RGS7: variants seen among roughly 807,000 people sequenced by gnomAD.
RGS7 encodes the protein regulator of G protein signaling 7.
A neutral mutation model predicts 81.1 loss-of-function variants in RGS7; 27 were observed. The ratio of observed to expected loss-of-function variants is 0.33; its 90% CI spans 0.25 to 0.46. RGS7 has a LOEUF of 0.46. RGS7 is among the 20% of genes least tolerant of loss of function. RGS7 has a pLI of 1.00. For synonymous variants in RGS7, 208 were observed against 207.7 expected (o/e 1.00, Z -0.01); for missense variants, 396 against 607.4 (o/e 0.65, Z 3.66).
chr1:241,223,891 ATGTGCAGGTACATACTGAAATGGTGGTTC>A (rs2075157668), intron 2 of RGS7, among the ~76,000 whole-genome samples: 1 of 151,864 alleles, frequency 6.6e-6, no homozygotes, highest in Non-Finnish European at 1.5e-5. Flanking sequence ...ATTCATTGAA[ATGTGCAGGTACATACTGAAATGGTGGTTC>A]TGCACAAGAT....
At chr1:241,157,050 C>T (rs982031302) in intron 2 of RGS7, among the ~76,000 whole-genome samples, 7 of 151,908 alleles carry the variant, frequency 4.6e-5, no homozygotes, top group Non-Finnish European at 1.0e-4. Flanking sequence ...TTTAAAAATC[C>T]CTAGCAAGAG....
chr1:241,144,964 T>TG lies in RGS7; in HGVS notation c.79-46203_79-46202insC, dbSNP rs1479399427. On this transcript the variant is annotated intron_variant, in intron 2 of 18. Coordinates refer to ENST00000440928, the MANE Select transcript of RGS7 (RefSeq NM_001364886.1). The surrounding 1 kb of genome is among the most constrained non-coding windows in gnomAD (Gnocchi z 4.7). ...GTGTGTGTGTGTGTGTGTGTGTGTG[T>TG]TCGTGTTCATTCTTCCTGTTCCTGT... 2.1e-5 allele frequency among the ~76,000 whole-genome samples: 3 copies of TG among 144,402 alleles called. No individual in the cohort carries two copies. The highest frequency in any genetic ancestry group is 8.1e-5 in the African/African-American group (3 of 36,818). 94.7% of individuals were successfully genotyped at this position (144,402 alleles called of 152,430 possible).
At position 241,340,459 on chromosome 1, in the gene RGS7, G is replaced by C. The variant is rs566781120; in HGVS notation, c.78+15240C>G. Among the ~76,000 whole-genome samples the C allele has an allele frequency of 3.9e-5, 6 of 152,148 alleles. No individual in the cohort carries two copies. The East Asian group carries it at 1.2e-3, about 29-fold the overall frequency. On this transcript the variant is annotated intron_variant, in intron 2 of 18. Coordinates refer to ENST00000440928, the MANE Select transcript of RGS7 (RefSeq NM_001364886.1). The stretch of plus-strand genomic sequence containing the variant: ...AATAAAATAATTCTGAGAGCATCTG[G>C]GATATTCCTTAAAGAATTTATAAGA...
At chr1:241,042,177 T>G (rs780534961) in intron 3 of RGS7, among the ~76,000 whole-genome samples, 2 of 152,190 alleles carry the variant, frequency 1.3e-5, no homozygotes, top group African/African-American at 2.4e-5. Flanking sequence ...GCTGTACATA[T>G]GTATCATCTC....
chr1:241,295,259 G>T (rs559293679), intron 2 of RGS7, among the ~76,000 whole-genome samples: 13 of 151,286 alleles, frequency 8.6e-5, no homozygotes, highest in South Asian at 2.1e-4. Context: ...CCAGCCTGAC[G>T]AACATGATGA....
intron 15 of RGS7, among the ~76,000 whole-genome samples, chr1:240,805,768 C>T (rs937442952): frequency 1.3e-5 from 2 of 151,562 alleles, no homozygotes; most frequent in Non-Finnish European, 2.9e-5. Context: ...ATTGAAGATG[C>T]CTTAAAGATT....
chr1:241,224,683 A>C (rs1245542105), intron 2 of RGS7, among the ~76,000 whole-genome samples: 1 of 152,188 alleles, frequency 6.6e-6, no homozygotes, highest in Non-Finnish European at 1.5e-5. Flanking sequence ...CACGAAGTAC[A>C]TATAGTGGAT....
intron 3 of RGS7, among the ~76,000 whole-genome samples, chr1:241,026,614 G>A (rs2059801353): frequency 6.6e-6 from 1 of 151,950 alleles, no homozygotes; most frequent in Admixed American, 6.6e-5. Flanking sequence ...ATTGAGTGCT[G>A]TTTATCTGCC....
At chr1:241,300,365 A>T (rs1271492710) in intron 2 of RGS7, among the ~76,000 whole-genome samples, 1 of 152,208 alleles carries the variant, frequency 6.6e-6, no homozygotes, top group Non-Finnish European at 1.5e-5. Context: ...ATAATGACAT[A>T]TATCCACCAT....
intron 3 of RGS7, among the ~76,000 whole-genome samples, chr1:241,081,207 A>G (rs181857358): frequency 2.0e-4 from 31 of 152,262 alleles, no homozygotes; most frequent in African/African-American, 7.0e-4. Context: ...ATCTCTCTTG[A>G]TAACTTTCTG....
At chr1:241,351,854 G>C (rs948488657) in intron 2 of RGS7, among the ~76,000 whole-genome samples, 1 of 152,150 alleles carries the variant, frequency 6.6e-6, no homozygotes, top group African/African-American at 2.4e-5. Flanking sequence ...TTTCTTTTCT[G>C]ACAGCTTGAG....
intron 3 of RGS7, among the ~76,000 whole-genome samples, chr1:241,031,552 A>C (rs930714368): frequency 2.0e-5 from 3 of 152,188 alleles, no homozygotes; most frequent in Admixed American, 1.3e-4. Flanking sequence ...AAAAATCTCC[A>C]TACTGTTTTC....
At chr1:240,876,017 T>A (rs1558396071) in intron 6 of RGS7, among the ~76,000 whole-genome samples, 2 of 152,182 alleles carry the variant, frequency 1.3e-5, no homozygotes, top group Non-Finnish European at 2.9e-5. Context: ...GCCCCTCCAG[T>A]CTGCCATGTA....
At chr1:241,327,122 GAAA>G (rs1558321507) in intron 2 of RGS7, among the ~76,000 whole-genome samples, 14 of 110,250 alleles carry the variant, frequency 1.3e-4, no homozygotes, top group East Asian at 5.0e-4. Flanking sequence ...AAGAAAGAAA[GAAA>G]GAAAGAAAGA....
chr1:241,136,470 G>C (rs1050809400), intron 2 of RGS7, among the ~76,000 whole-genome samples: 4 of 152,156 alleles, frequency 2.6e-5, no homozygotes, highest in African/African-American at 9.7e-5. Flanking sequence ...TCATGGGGTA[G>C]AGGGGAGTGT....
intron 3 of RGS7, among the ~76,000 whole-genome samples, chr1:241,028,487 C>A (rs2059905068): frequency 6.6e-6 from 1 of 152,138 alleles, no homozygotes; most frequent in Admixed American, 6.5e-5. Flanking sequence ...CAGCCCCAGG[C>A]CACTGGGTTC....
intron 2 of RGS7, among the ~76,000 whole-genome samples, chr1:241,333,234 G>A (rs2082067862): frequency 6.6e-6 from 1 of 152,154 alleles, no homozygotes. Flanking sequence ...CTCAAGCCCT[G>A]CTAGACTACT....
At chr1:240,873,779 C>T (rs1664890208) in intron 6 of RGS7, among the ~76,000 whole-genome samples, 1 of 152,056 alleles carries the variant, frequency 6.6e-6, no homozygotes, top group Non-Finnish European at 1.5e-5. Context: ...TATCATTCAC[C>T]AAGACTAGAA....
chr1:240,866,315 T>C (rs1297064130), intron 9 of RGS7, among the ~76,000 whole-genome samples: 1 of 151,700 alleles, frequency 6.6e-6, no homozygotes, highest in Non-Finnish European at 1.5e-5. Context: ...ATCGAGATCA[T>C]CCTTGCTAAC....
Sources: gnomAD v4.1 joint callset for allele counts (sites outside exome capture counted in the v4.1 genomes callset) on GRCh38, gnomAD v4.1.1 for gene constraint, Gnocchi (gnomAD v3.1) non-coding constraint, MANE v1.5 for transcripts, NCBI Gene and HGNC (gene_info 2026-07-23, HGNC 2026-07-21) for gene names.